The following KIAA0513 variants were observed in gnomAD, a reference collection of about 807,000 sequenced individuals.
KIAA0513 encodes KIAA0513.
Under a neutral mutation model 56.5 loss-of-function variants are expected in KIAA0513, and 39 were observed. The observed-to-expected ratio is 0.69, with a 90% confidence interval of 0.53 to 0.90. KIAA0513 has a LOEUF of 0.90. Among genes scored for constraint, KIAA0513 ranks in the 40% least tolerant of loss-of-function variants. The pLI is 0.00. For synonymous variants in KIAA0513, 268 were observed against 215.6 expected, an observed-to-expected ratio of 1.24 and a Z score of -2.13; for missense variants, 591 against 535.2, an observed-to-expected ratio of 1.10 and a Z score of -1.03.
intron 1 of KIAA0513, among the ~76,000 whole-genome samples, chr16:85,043,662 C>T (rs567664758): frequency 4.5e-4 from 68 of 152,242 alleles, no homozygotes; most frequent in African/African-American, 1.6e-3. Context: ...ATCCACCCAC[C>T]TCAGCCTCCC....
chr16:85,071,695 G>C lies in KIAA0513; in HGVS notation c.330-88G>C, dbSNP rs1352403280. ...TGCTTGGCTGGGGAATATTTCGTTAGTTCCTTCTCCTTGCTCTTCCCCTGT... is the reference window on the plus strand; with the variant it reads ...TGCTTGGCTGGGGAATATTTCGTTACTTCCTTCTCCTTGCTCTTCCCCTGT... On this transcript the variant is annotated intron_variant, in intron 2 of 12. Coordinates refer to ENST00000683363, the MANE Select transcript of KIAA0513 (RefSeq NM_001388359.1). The C allele has an allele frequency of 2.7e-6, 3 of 1,101,046 alleles. No homozygotes were observed. The African/African-American group carries it at 4.8e-5, about 18-fold the overall frequency. The allele number at this position is 1,101,046 out of a possible 1,614,324, so 68.2% of individuals were successfully genotyped here.
intron 1 of KIAA0513, among the ~76,000 whole-genome samples, chr16:85,031,749 T>C (rs2072967800): frequency 1.3e-5 from 2 of 152,234 alleles, no homozygotes; most frequent in African/African-American, 4.8e-5. Context: ...TGCTGCAATA[T>C]CACATCCTTA....
At chr16:85,053,483 A>C (rs1273555978) in intron 1 of KIAA0513, among the ~76,000 whole-genome samples, 3 of 152,158 alleles carry the variant, frequency 2.0e-5, no homozygotes, top group Non-Finnish European at 4.4e-5. Flanking sequence ...AATAGGGTGT[A>C]AGGATAGGCC....
intron 8 of KIAA0513, among the ~76,000 whole-genome samples, chr16:85,080,614 C>T (rs964975173): frequency 2.0e-5 from 3 of 152,002 alleles, no homozygotes; most frequent in Non-Finnish European, 4.4e-5. Flanking sequence ...GTCAACATGG[C>T]GAAACCCCCA....
chr16:85,041,929 C>G (rs966466349), intron 1 of KIAA0513, among the ~76,000 whole-genome samples: 1 of 152,162 alleles, frequency 6.6e-6, no homozygotes, highest in East Asian at 1.9e-4. Flanking sequence ...CCCGGGATTC[C>G]GAGCGTTTGC....
Position 85,090,611 on chromosome 16 carries a change from C to CTTTG in KIAA0513, c.*2302_*2305dup, listed in dbSNP as rs375492817. ...CAGGGGAGGAAAGGGTTGGGGTTTTCTTTGTTTGTTTGTTTGTTTCCCCCT... is the reference window on the plus strand; with the variant it reads ...CAGGGGAGGAAAGGGTTGGGGTTTTCTTTGTTTGTTTGTTTGTTTGTTTCCCCCT... On this transcript the variant is annotated 3_prime_UTR_variant, in exon 13 of 13. Coordinates refer to ENST00000683363, the MANE Select transcript of KIAA0513 (RefSeq NM_001388359.1). The CTTTG allele has an allele frequency of 2.0e-5, 3 of 152,252 alleles. No individual in the cohort carries two copies. Among genetic ancestry groups the CTTTG allele is most frequent in the African/African-American group, 4.8e-5 (2 of 41,446 alleles). The allele number at this position is 152,252 out of a possible 1,614,324, so 9.4% of individuals were successfully genotyped here.
intron 1 of KIAA0513, among the ~76,000 whole-genome samples, chr16:85,049,843 G>A (rs1308803319): frequency 1.3e-5 from 2 of 152,170 alleles, no homozygotes; most frequent in African/African-American, 4.8e-5. Flanking sequence ...CCCGAGTCCT[G>A]CATCTCTTAG....
At position 85,047,077 on chromosome 16, in the gene KIAA0513, G is replaced by T. The variant is rs916363523; in HGVS notation, c.-173+19219G>T. 1.3e-5 allele frequency among the ~76,000 whole-genome samples: 2 copies of T among 152,180 alleles called. 1 individual carries two copies. The highest frequency in any genetic ancestry group is 1.3e-4 in the Admixed American group (2 of 15,278). The stretch of plus-strand genomic sequence containing the variant: ...TCAGTCCTCTGGAGAGTTGTTGGTA[G>T]CTTGGTTGTGGCAGGCACTCCACCA... On this transcript the variant is annotated intron_variant, in intron 1 of 12. Coordinates refer to ENST00000683363, the MANE Select transcript of KIAA0513 (RefSeq NM_001388359.1).
intron 1 of KIAA0513, among the ~76,000 whole-genome samples, chr16:85,052,540 A>C (rs78581784): frequency 0.03 from 4,522 of 152,254 alleles, 246 homozygotes; most frequent in African/African-American, 0.1. Flanking sequence ...TCAGTCAATC[A>C]ATCAATCGAT....
intron 1 of KIAA0513, among the ~76,000 whole-genome samples, chr16:85,045,151 A>G (rs1010065918): frequency 1.3e-5 from 2 of 151,742 alleles, no homozygotes; most frequent in Non-Finnish European, 1.5e-5. Flanking sequence ...AAAAAAAAAG[A>G]AAGCATCTGT....
Position 85,071,780 on chromosome 16 carries a change from T to TTTTG in KIAA0513, c.330-3_330-2insTTTG. 2 of 1,567,882 alleles carry TTTTG rather than the reference T, an allele frequency of 1.3e-6. No homozygotes were observed. The highest frequency in any genetic ancestry group is 2.3e-5 in the East Asian group (1 of 44,442). ...TTCCTCTGCTCTTTTTTTTTTTTTT[T>TTTTG]AGGGAGGACTTGGATCAGGAGGAGA... On this transcript the variant is annotated splice_polypyrimidine_tract_variant and splice_region_variant and intron_variant, in intron 2 of 12. Coordinates refer to ENST00000683363, the MANE Select transcript of KIAA0513 (RefSeq NM_001388359.1).
Position 85,065,279 on chromosome 16 carries a change from C to T in KIAA0513, c.-172-1621C>T, listed in dbSNP as rs966628619. 8.5e-5 allele frequency among the ~76,000 whole-genome samples: 13 copies of T among 152,296 alleles called. No individual in the cohort carries two copies. The South Asian group carries it at 2.3e-3, about 27-fold the overall frequency. The stretch of plus-strand genomic sequence containing the variant: ...CAGGGGGGACCCATCAGAGACTAGG[C>T]GCCCTGGCCGGGGACGCAGCTGGCG... On this transcript the variant is annotated intron_variant, in intron 1 of 12. Coordinates refer to ENST00000683363, the MANE Select transcript of KIAA0513 (RefSeq NM_001388359.1).
intron 1 of KIAA0513, among the ~76,000 whole-genome samples, chr16:85,038,717 A>C (rs969974330): frequency 1.3e-5 from 2 of 150,250 alleles, no homozygotes; most frequent in Non-Finnish European, 2.9e-5. Context: ...CAAAAAAAAA[A>C]AAAAAATAAT....
At chr16:85,071,313 T>G (rs11149708) in intron 2 of KIAA0513, among the ~76,000 whole-genome samples, 25,286 of 152,228 alleles carry the variant, frequency 0.17, 2,574 homozygotes, top group South Asian at 0.23. Flanking sequence ...CTTCTTGGCC[T>G]CAGACCTTGG....
In KIAA0513 at chr16:85,093,400, A is replaced by T. The variant is rs1597658699; in HGVS notation, c.*5075A>T. The T allele has an allele frequency of 6.6e-6, 1 of 152,512 alleles. No individual in the cohort carries two copies. Among genetic ancestry groups the T allele is most frequent in the East Asian group, 1.9e-4 (1 of 5,208 alleles). 9.4% of individuals were successfully genotyped at this position (152,512 alleles called of 1,614,324 possible). A position where few individuals can be genotyped will look rare whatever the true frequency, so the allele number is the denominator to read the frequency against. On this transcript the variant is annotated 3_prime_UTR_variant, in exon 13 of 13. Coordinates refer to ENST00000683363, the MANE Select transcript of KIAA0513 (RefSeq NM_001388359.1). The stretch of plus-strand genomic sequence containing the variant: ...GGACAGTACGATTTGGGGAGAACCC[A>T]GCTCCCCACTTTATCTGCAGACTCT...
At chr16:85,078,776 T>A in intron 7 of KIAA0513, 149 bp from the exon 8 acceptor site, 4 of 819,868 alleles carry the variant, frequency 4.9e-6, no homozygotes, top group Non-Finnish European at 6.0e-6. Flanking sequence ...TTACTGGCTA[T>A]GGCTAGCAGA....
At chr16:85,084,710 T>A (rs929362384) in intron 10 of KIAA0513, among the ~76,000 whole-genome samples, 1 of 150,912 alleles carries the variant, frequency 6.6e-6, no homozygotes, top group Non-Finnish European at 1.5e-5. Flanking sequence ...ATTACAGGCA[T>A]GAGCCACTGC....
In KIAA0513 at chr16:85,067,270, G is replaced by C; in HGVS notation, c.199G>C (p.Asp67His). 1 of 1,614,016 alleles carries C rather than the reference G, an allele frequency of 6.2e-7. No homozygotes were observed. The highest frequency in any genetic ancestry group is 8.5e-7 in the Non-Finnish European group (1 of 1,180,026). The change falls in exon 2 of 13, where the codon GAC (aspartate) becomes CAC (histidine). Residue 67 changes from aspartate to histidine, a missense_variant. Asp to His is a moderately conservative substitution (Grantham distance 81). Transcript: ENST00000683363. The stretch of plus-strand genomic sequence containing the variant: ...CGAGTCGCCCTCGCACCCGTCCTGG[G>C]ACCAAGACCGCCGTTCCTCCTCCAA... ...MGESPSHPSW[D>H]QDRRSSSNES...
chr16:85,077,061 A>G (rs1316515818), intron 5 of KIAA0513, among the ~76,000 whole-genome samples: 1 of 151,916 alleles, frequency 6.6e-6, no homozygotes, highest in African/African-American at 2.4e-5. Flanking sequence ...CTCCCATTCC[A>G]GGGGCCTGGT....
Sources: allele counts gnomAD v4.1 joint callset (sites outside exome capture counted in the v4.1 genomes callset), GRCh38; gene constraint gnomAD v4.1.1; transcripts MANE v1.5; gene names NCBI Gene and HGNC (gene_info 2026-07-23, HGNC 2026-07-21).